CLUL1: variants seen among roughly 807,000 people sequenced by gnomAD.
CLUL1 encodes the protein clusterin-like protein 1.
Under a neutral mutation model 49.4 loss-of-function variants are expected in CLUL1, and 43 were observed. The observed-to-expected ratio is 0.87, with a 90% CI of 0.68 to 1.12. CLUL1 has a LOEUF of 1.12. Among genes scored for constraint, CLUL1 ranks in the 50% most tolerant of loss-of-function variants. The probability of loss-of-function intolerance (pLI) is 0.00; values close to 1 mark genes in which losing one functional copy is unlikely to be tolerated. For missense variants in CLUL1, 486 were observed against 544.4 expected (o/e 0.89, Z 1.07); for synonymous variants, 192 against 184.9 (o/e 1.04, Z -0.31).
chr18:624,987 A>G lies in CLUL1; in HGVS notation c.378A>G (p.Arg126=). 6.2e-7 allele frequency: 1 copy of G among 1,614,166 alleles called. No homozygotes were observed. Among genetic ancestry groups the G allele is most frequent in the African/African-American group, 1.3e-5 (1 of 75,042 alleles). ...CTTGCCTGGAAAATAACTGCATGAG[A>G]ATTTATACAACCTGCCAACCTAGCT... ...CRSCLENNCM[R]IYTTCQPSWS... Residue 126 remains arginine (R), a synonymous_variant, in exon 5 of 10, where the codon AGA becomes AGG. Coordinates refer to ENST00000692774, the MANE Select transcript of CLUL1 (RefSeq NM_001393344.1).
At chr18:599,180 G>A (rs2072747471) in intron 1 of CLUL1, among the ~76,000 whole-genome samples, 1 of 152,148 alleles carries the variant, frequency 6.6e-6, no homozygotes, top group Admixed American at 6.5e-5. Context: ...TACCAGAATA[G>A]TATTTTTACA....
At chr18:646,765 T>G (rs1388755643) in intron 9 of CLUL1, among the ~76,000 whole-genome samples, 1 of 151,778 alleles carries the variant, frequency 6.6e-6, no homozygotes, top group Non-Finnish European at 1.5e-5. Flanking sequence ...TCTTTTTTTT[T>G]TTGAGACAGA....
At chr18:604,502 C>G (rs1818551263) in intron 1 of CLUL1, among the ~76,000 whole-genome samples, 1 of 152,180 alleles carries the variant, frequency 6.6e-6, no homozygotes, top group Admixed American at 6.5e-5. Context: ...GTGCAGCCAG[C>G]AAGTACCACA....
chr18:607,008 G>A lies in CLUL1; in HGVS notation c.-105G>A, dbSNP rs143090300. The A allele has an allele frequency of 4.4e-6, 3 of 678,604 alleles. No individual in the cohort carries two copies. The highest frequency in any genetic ancestry group is 1.8e-5 in the African/African-American group (1 of 55,910). 42.0% of individuals were successfully genotyped at this position (678,604 alleles called of 1,614,324 possible). On this transcript the variant is annotated 5_prime_UTR_variant, in exon 2 of 10. Transcript: ENST00000692774. ...CGTCCCTCTCGGTTGCCAGGCTGGA[G>A]TTCAGTGGCATGTTCATAGCTCACT...
chr18:630,405 G>A (rs564777377), intron 6 of CLUL1, among the ~76,000 whole-genome samples: 10 of 152,108 alleles, frequency 6.6e-5, no homozygotes, highest in Non-Finnish European at 1.0e-4. Context: ...CATCATGCCC[G>A]GCCTCAACTG....
intron 2 of CLUL1, among the ~76,000 whole-genome samples, chr18:607,877 C>T (rs1470405881): frequency 2.0e-5 from 3 of 152,126 alleles, no homozygotes; most frequent in Non-Finnish European, 4.4e-5. Context: ...TCTAAAACTT[C>T]TTCTGTGCCA....
At chr18:637,579 A>G (rs1598440335) in intron 7 of CLUL1, among the ~76,000 whole-genome samples, 1 of 152,134 alleles carries the variant, frequency 6.6e-6, no homozygotes, top group South Asian at 2.1e-4. Context: ...TTTGACATCT[A>G]GAATGTCTTG....
At chr18:617,837 C>T in intron 2 of CLUL1, 151 bp from the exon 3 acceptor site, 1 of 630,778 alleles carries the variant, frequency 1.6e-6, no homozygotes, top group Admixed American at 2.9e-5. Context: ...TTCAAGCTTC[C>T]TTATGTCTCA....
chr18:636,261 A>G (rs77087783), intron 7 of CLUL1, among the ~76,000 whole-genome samples: 16,561 of 152,228 alleles, frequency 0.11, 1,119 homozygotes, highest in African/African-American at 0.18. Context: ...TTGAAAAATC[A>G]TAAGTTGAAC....
intron 1 of CLUL1, among the ~76,000 whole-genome samples, chr18:600,320 A>C (rs890987445): frequency 1.3e-5 from 2 of 152,238 alleles, no homozygotes; most frequent in South Asian, 4.1e-4. Context: ...AATGGAGTTT[A>C]TCTGGCTCAA....
intron 2 of CLUL1, among the ~76,000 whole-genome samples, chr18:613,670 G>C (rs957010456): frequency 1.1e-4 from 17 of 151,396 alleles, no homozygotes; most frequent in African/African-American, 4.1e-4. Flanking sequence ...GACCAGGCTG[G>C]TCTCAAACTC....
At chr18:641,124 A>G (rs1328131858) in intron 7 of CLUL1, among the ~76,000 whole-genome samples, 1 of 152,244 alleles carries the variant, frequency 6.6e-6, no homozygotes, top group African/African-American at 2.4e-5. Context: ...ACATAAAACC[A>G]TATAATTAAC....
At chr18:625,200 G>A (rs868099616) in intron 5 of CLUL1, among the ~76,000 whole-genome samples, 168 bp downstream of exon 5, 3 of 151,980 alleles carry the variant, frequency 2.0e-5, no homozygotes, top group East Asian at 1.9e-4. Flanking sequence ...CTGTGTATAC[G>A]CAATTTATAA....
rs1272260632 is a variant in CLUL1 at position 633,358 on chromosome 18, G to T, written c.917G>T (p.Gly306Val). Residue 306 changes from glycine (G) to valine (V), a missense_variant, in exon 7 of 10, where the codon GGG (glycine) becomes GTG (valine). By Grantham distance (109) the Gly-to-Val change is moderately radical. Coordinates refer to ENST00000692774, the MANE Select transcript of CLUL1 (RefSeq NM_001393344.1). ...CCTGGGCAGGACAGAGGACTGTGTG[G>T]GGAACTTGACCAGAATTTGTCAAGA... ...MLPGQDRGLC[G>V]ELDQNLSRCF... is the part of the protein sequence containing the mutation. The T allele has an allele frequency of 6.2e-7, 1 of 1,613,708 alleles. No homozygotes were observed. Among genetic ancestry groups the T allele is most frequent in the Admixed American group, 1.7e-5 (1 of 59,998 alleles).
intron 3 of CLUL1, 54 bp from the exon 4 acceptor site, chr18:619,159 G>A (rs2144006345): frequency 2.6e-6 from 4 of 1,538,696 alleles, no homozygotes; most frequent in East Asian, 4.5e-5. Flanking sequence ...TGGTGAACTT[G>A]GTGTTTTGTA....
At chr18:607,289 C>T (rs902781192) in intron 2 of CLUL1, among the ~76,000 whole-genome samples, 190 bp downstream of exon 2, 5 of 152,146 alleles carry the variant, frequency 3.3e-5, no homozygotes, top group Middle Eastern at 3.4e-3. Context: ...CACCTACGTC[C>T]GGCTAATTTT....
At chr18:613,781 G>A (rs752783404) in intron 2 of CLUL1, among the ~76,000 whole-genome samples, 3 of 152,064 alleles carry the variant, frequency 2.0e-5, no homozygotes, top group Non-Finnish European at 2.9e-5. Context: ...AAAGGTTATT[G>A]GTCTACCTTC....
At position 619,029 on chromosome 18, in the gene CLUL1, G is replaced by T. The variant is rs1289709814; in HGVS notation, c.107-184G>T. Reference sequence around the variant, plus strand: ...GGCGCTCACAAGTGAGGAGTAGAAGGTATGGTCCGTGTGGCAGCTGGGTCC... The same window carrying T: ...GGCGCTCACAAGTGAGGAGTAGAAGTTATGGTCCGTGTGGCAGCTGGGTCC... On this transcript the variant is annotated intron_variant, in intron 3 of 9. Coordinates refer to ENST00000692774, the MANE Select transcript of CLUL1 (RefSeq NM_001393344.1). 2.0e-5 allele frequency among the ~76,000 whole-genome samples: 3 copies of T among 152,102 alleles called. No individual in the cohort carries two copies. The East Asian group carries it at 5.8e-4, about 29-fold the overall frequency.
chr18:628,866 C>T (rs373218510), intron 6 of CLUL1, among the ~76,000 whole-genome samples: 1 of 151,994 alleles, frequency 6.6e-6, no homozygotes, highest in South Asian at 2.1e-4. Flanking sequence ...CTCCTGACCT[C>T]AAGTGATCTG....
Sources: gnomAD v4.1 joint callset for allele counts (sites outside exome capture counted in the v4.1 genomes callset) on GRCh38, gnomAD v4.1.1 for gene constraint, MANE v1.5 for transcripts, NCBI Gene and HGNC (gene_info 2026-07-23, HGNC 2026-07-21) for gene names.